Variants in SRPK1 observed in about 807,000 individuals in gnomAD.
SRPK1 encodes SFRS protein kinase 1.
A neutral mutation model predicts 89.5 loss-of-function variants in SRPK1; 52 were observed. The observed-to-expected ratio is 0.58, with a 90% CI of 0.46 to 0.73. SRPK1 has a LOEUF of 0.73. Among genes scored for constraint, SRPK1 ranks in the 30% least tolerant of loss-of-function variants. SRPK1 has a pLI of 0.00. For synonymous variants in SRPK1, 255 were observed against 270.2 expected (o/e 0.94, Z 0.55); for missense variants, 603 against 780.6 (o/e 0.77, Z 2.71).
intron 13 of SRPK1, among the ~76,000 whole-genome samples, chr6:35,844,588 T>C (rs540665176): frequency 6.6e-6 from 1 of 152,178 alleles, no homozygotes; most frequent in Non-Finnish European, 1.5e-5. Context: ...AGGATAGGTT[T>C]AGGAATCAAA....
chr6:35,850,167 G>A (rs113620726), intron 13 of SRPK1, among the ~76,000 whole-genome samples: 58 of 152,106 alleles, frequency 3.8e-4, no homozygotes, highest in African/African-American at 1.4e-3. Context: ...GAGTACATTC[G>A]TACCTCATTT....
intron 5 of SRPK1, chr6:35,887,789 GTTTT>G (rs1215582436): frequency 2.9e-6 from 1 of 342,336 alleles, no homozygotes; most frequent in African/African-American, 2.1e-5. Context: ...CATTTGAAAG[GTTTT>G]TTTTTGGTTC....
At chr6:35,872,822 G>T (rs1770062159) in intron 7 of SRPK1, 94 bp from the exon 8 acceptor site, 1 of 906,332 alleles carries the variant, frequency 1.1e-6, no homozygotes, top group Non-Finnish European at 1.5e-6. Flanking sequence ...AAAAAAAAAA[G>T]ATATGATAGC....
rs114288161 is a variant in SRPK1 at position 35,849,932 on chromosome 6, C to T, written c.1621-7328G>A. On this transcript the variant is annotated intron_variant, in intron 13 of 15. Coordinates refer to ENST00000373825, the MANE Select transcript of SRPK1 (RefSeq NM_003137.5). ...CAGTGACATGGATGGAACTGGAAAA[C>T]AATATGAAGTGAAATAAGCCAGGGA... Among the ~76,000 whole-genome samples the T allele has an allele frequency of 9.2e-3, 1,406 of 152,048 alleles. 14 individuals carry two copies. The highest frequency in any genetic ancestry group is 0.027 in the Middle Eastern group (8 of 294).
At chr6:35,838,479 A>G (rs759477763) in intron 14 of SRPK1, 50 bp from the exon 15 acceptor site, 34 of 1,473,234 alleles carry the variant, frequency 2.3e-5, no homozygotes, top group Non-Finnish European at 2.9e-5. Context: ...ATCCGTAACA[A>G]GAGTAACAAA....
chr6:35,915,539 C>A (rs1442340544), intron 2 of SRPK1, among the ~76,000 whole-genome samples: 1 of 151,868 alleles, frequency 6.6e-6, no homozygotes, highest in Non-Finnish European at 1.5e-5. Context: ...AATGATTTGT[C>A]CAAAAGATTA....
intron 2 of SRPK1, among the ~76,000 whole-genome samples, chr6:35,895,381 G>A (rs1051472641): frequency 2.1e-4 from 32 of 151,962 alleles, no homozygotes; most frequent in African/African-American, 6.5e-4. Context: ...TTCATGTTAC[G>A]AAGTTAAAGT....
At chr6:35,906,455 C>A (rs1284529785) in intron 2 of SRPK1, among the ~76,000 whole-genome samples, 2 of 152,140 alleles carry the variant, frequency 1.3e-5, no homozygotes, top group East Asian at 3.8e-4. Flanking sequence ...AAACTCCTGG[C>A]CTCAAACGAT....
intron 2 of SRPK1, among the ~76,000 whole-genome samples, chr6:35,907,478 G>C (rs189372948): frequency 6.6e-6 from 1 of 152,198 alleles, no homozygotes; most frequent in East Asian, 1.9e-4. Context: ...GGCTGAGGTG[G>C]GTGGATCACC....
At chr6:35,873,988 C>T (rs527299008) in intron 7 of SRPK1, among the ~76,000 whole-genome samples, 41 of 151,742 alleles carry the variant, frequency 2.7e-4, no homozygotes, top group Non-Finnish European at 5.0e-4. Context: ...CCAAGACACC[C>T]GGCTAACTTT....
intron 2 of SRPK1, among the ~76,000 whole-genome samples, chr6:35,915,512 T>C (rs547055983): frequency 9.2e-5 from 14 of 151,458 alleles, no homozygotes; most frequent in Non-Finnish European, 2.1e-4. Context: ...CCTAAGGAAA[T>C]AATCACTGAT....
Position 35,849,979 on chromosome 6 carries a change from ACT to A in SRPK1, c.1620+7280_1620+7281del, listed in dbSNP as rs1321202509. On this transcript the variant is annotated intron_variant, in intron 13 of 15. Transcript: ENST00000373825. ...GGGACAGAAAGACAAATACTGCAAC[ACT>A]CTCACTTATATGTGAAATCTAAAAC... is the stretch of plus-strand genomic sequence containing the variant. 3.9e-5 allele frequency among the ~76,000 whole-genome samples: 6 copies of A among 152,226 alleles called. No homozygotes were observed. The East Asian group carries it at 1.2e-3, about 29-fold the overall frequency.
At chr6:35,885,147 T>A (rs1770375250) in intron 6 of SRPK1, among the ~76,000 whole-genome samples, 1 of 152,066 alleles carries the variant, frequency 6.6e-6, no homozygotes, top group African/African-American at 2.4e-5. Context: ...TAAAGAAATC[T>A]GGCACAATGA....
chr6:35,872,802 G>C (rs1231131300), intron 7 of SRPK1, 74 bp from the exon 8 acceptor site: 5 of 1,214,082 alleles, frequency 4.1e-6, no homozygotes, highest in Non-Finnish European at 5.4e-6. Context: ...ATTATAACAT[G>C]ACATTAAAAA....
intron 2 of SRPK1, among the ~76,000 whole-genome samples, chr6:35,917,714 C>CT: frequency 6.6e-6 from 1 of 152,314 alleles, no homozygotes; most frequent in South Asian, 2.1e-4. Flanking sequence ...TCCCTTCTGC[C>CT]TGTGACACAA....
At chr6:35,852,322 G>C (rs1769572794) in intron 13 of SRPK1, among the ~76,000 whole-genome samples, 1 of 152,118 alleles carries the variant, frequency 6.6e-6, no homozygotes, top group South Asian at 2.1e-4. Flanking sequence ...GGGATCTACT[G>C]TAAAGACACA....
intron 2 of SRPK1, among the ~76,000 whole-genome samples, chr6:35,907,589 C>T (rs1239720107): frequency 6.6e-6 from 1 of 151,964 alleles, no homozygotes; most frequent in Non-Finnish European, 1.5e-5. Context: ...TCTGTAATCC[C>T]AGCTACTTGG....
In SRPK1 at chr6:35,920,455, G is replaced by A. The variant is rs199911564; in HGVS notation, c.74+13C>T. The A allele has an allele frequency of 1.9e-5, 31 of 1,612,560 alleles. No homozygotes were observed. Among genetic ancestry groups the A allele is most frequent in the Non-Finnish European group, 2.6e-5 (31 of 1,178,822 alleles). On this transcript the variant is annotated intron_variant, in intron 2 of 15. Transcript: ENST00000373825. ...AAAATCCAAAGAATGGGATGTTGGG[G>A]TACAAGACTCACTTCCTTTGGGCTT...
At chr6:35,840,087 G>A (rs948868654) in intron 14 of SRPK1, among the ~76,000 whole-genome samples, 4 of 152,114 alleles carry the variant, frequency 2.6e-5, no homozygotes, top group Non-Finnish European at 2.9e-5. Context: ...GATTACAGGC[G>A]TGAACCACCA....
Sources: gnomAD v4.1 joint callset for allele counts (sites outside exome capture counted in the v4.1 genomes callset) on GRCh38, gnomAD v4.1.1 for gene constraint, MANE v1.5 for transcripts, NCBI Gene and HGNC (gene_info 2026-07-23, HGNC 2026-07-21) for gene names.